SAE1: variants seen among roughly 807,000 people sequenced by gnomAD.
SAE1 encodes the protein SUMO1 activating enzyme subunit 1.
Under a neutral mutation model 40.6 loss-of-function variants are expected in SAE1, and 11 were observed. The ratio of observed to expected loss-of-function variants is 0.27; its 90% CI spans 0.17 to 0.45. SAE1 has a LOEUF of 0.45. Among genes scored for constraint, SAE1 ranks in the 20% least tolerant of loss-of-function variants. The pLI, the probability that SAE1 is intolerant of heterozygous loss-of-function variation, is 1.00. For synonymous variants in SAE1, 155 were observed against 154.3 expected (o/e 1.00, Z -0.03); for missense variants, 373 against 427.3 (o/e 0.87, Z 1.12).
At chr19:47,158,775 A>G (rs549272743) in intron 5 of SAE1, among the ~76,000 whole-genome samples, 107 of 152,328 alleles carry the variant, frequency 7.0e-4, no homozygotes, top group Admixed American at 2.4e-3. Context: ...TAAAGAAGCT[A>G]TGAGAAATTA....
intron 8 of SAE1, among the ~76,000 whole-genome samples, chr19:47,205,273 G>A (rs1308709066): frequency 6.6e-6 from 1 of 151,116 alleles, no homozygotes; most frequent in African/African-American, 2.4e-5. Flanking sequence ...TGTACATTCT[G>A]GAGGCGTTTG....
At chr19:47,159,279 C>G (rs936790191) in intron 5 of SAE1, among the ~76,000 whole-genome samples, 4 of 152,168 alleles carry the variant, frequency 2.6e-5, no homozygotes, top group Admixed American at 1.3e-4. Flanking sequence ...TTGTTGACAG[C>G]CTTCTCATCC....
rs1235633179 is a variant in SAE1 at position 47,143,470 on chromosome 19, A to G, written c.99-24A>G. The G allele has an allele frequency of 2.6e-6, 4 of 1,549,600 alleles. No homozygotes were observed. In the East Asian group the frequency reaches 6.7e-5, roughly 26 times the overall value. ...TGCAAGCTCACTGTTCTGTATCATC[A>G]GGTTAACAATGTTTGTCTTACAGGC... On this transcript the variant is annotated intron_variant, in intron 1 of 8. Transcript: ENST00000270225.
At chr19:47,194,653 T>C (rs1391969006) in intron 6 of SAE1, among the ~76,000 whole-genome samples, 1 of 151,858 alleles carries the variant, frequency 6.6e-6, no homozygotes, top group Non-Finnish European at 1.5e-5. Context: ...CCTTGGGCAG[T>C]ATGTAGGGAA....
intron 7 of SAE1, among the ~76,000 whole-genome samples, chr19:47,203,116 AG>A (rs2058664603): frequency 1.3e-5 from 2 of 152,162 alleles, no homozygotes; most frequent in Middle Eastern, 3.2e-3. Flanking sequence ...TTGGAGGGGC[AG>A]GTGACTGTGT....
At chr19:47,207,063 G>A (rs1362158240) in intron 8 of SAE1, among the ~76,000 whole-genome samples, 4 of 152,106 alleles carry the variant, frequency 2.6e-5, no homozygotes, top group Non-Finnish European at 5.9e-5. Context: ...TGGGAGGATT[G>A]CTTGAACCTA....
intron 5 of SAE1, among the ~76,000 whole-genome samples, chr19:47,164,326 A>G (rs973457690): frequency 4.0e-5 from 6 of 150,890 alleles, no homozygotes; most frequent in Non-Finnish European, 5.9e-5. Context: ...CCGCCACCAC[A>G]CCCGGCTAAT....
intron 1 of SAE1, among the ~76,000 whole-genome samples, chr19:47,143,073 G>A (rs1439800417): frequency 6.6e-6 from 1 of 152,040 alleles, no homozygotes; most frequent in Non-Finnish European, 1.5e-5. Context: ...TCCTAGATTC[G>A]AGGTGTGATG....
At chr19:47,147,074 T>C (rs746384131) in intron 2 of SAE1, among the ~76,000 whole-genome samples, 9 of 151,990 alleles carry the variant, frequency 5.9e-5, no homozygotes, top group African/African-American at 1.7e-4. Flanking sequence ...AGATGGAAGC[T>C]TGGGGACAGC....
intron 7 of SAE1, among the ~76,000 whole-genome samples, chr19:47,200,484 G>A (rs772599545): frequency 3.6e-5 from 5 of 138,060 alleles, no homozygotes; most frequent in African/African-American, 1.1e-4. Flanking sequence ...GTTATGAACC[G>A]CATAACAAGA....
chr19:47,204,896 A>T (rs1297529010), intron 8 of SAE1, among the ~76,000 whole-genome samples: 2 of 152,094 alleles, frequency 1.3e-5, no homozygotes, highest in African/African-American at 4.8e-5. Context: ...TCTGTACAGG[A>T]TGACCCGTGA....
intron 1 of SAE1, among the ~76,000 whole-genome samples, chr19:47,131,697 CTTTTTTTTTTTTT>C (rs554165710): frequency 1.2e-5 from 1 of 84,140 alleles, no homozygotes; most frequent in South Asian, 4.7e-4. Flanking sequence ...TTAGGGAATT[CTTTTTTTTTTTTT>C]TTTTTTTTTT....
At chr19:47,207,604 C>T (rs182833509) in intron 8 of SAE1, among the ~76,000 whole-genome samples, 1 of 152,266 alleles carries the variant, frequency 6.6e-6, no homozygotes, top group East Asian at 1.9e-4. Flanking sequence ...GTTTCGGGGG[C>T]TGACCCTGCC....
chr19:47,182,494 T>TGTGTGC (rs1555794374), intron 6 of SAE1, among the ~76,000 whole-genome samples: 2 of 137,316 alleles, frequency 1.5e-5, no homozygotes, highest in East Asian at 2.1e-4. Flanking sequence ...TGTGTGTGTG[T>TGTGTGC]GTGCGCGCAC....
chr19:47,180,983 G>A (rs1394753551), intron 6 of SAE1, among the ~76,000 whole-genome samples: 1 of 151,906 alleles, frequency 6.6e-6, no homozygotes, highest in African/African-American at 2.4e-5. Context: ...ATAGAGGAAG[G>A]TTTTTTTTCT....
rs752280199 is a variant in SAE1, at chr19:47,152,937, G to A, written c.424G>A (p.Val142Ile). The A allele has an allele frequency of 9.9e-6, 16 of 1,612,240 alleles. No homozygotes were observed. Among genetic ancestry groups the A allele is most frequent in the Non-Finnish European group, 8.5e-7 (1 of 1,179,930 alleles). The change falls in exon 4 of 9, where the codon GTT becomes ATT. Residue 142 changes from valine (V) to isoleucine (I), a missense_variant. Physicochemically the swap from Val to Ile is conservative, Grantham distance 29. Around this residue, in one of 3 missense-constraint regions of SAE1, gnomAD observed 351 missense variants for 390.6 expected, o/e 0.90. Coordinates refer to ENST00000270225, the MANE Select transcript of SAE1 (RefSeq NM_005500.3). ...TCCSRDVIVKVDQICHKNSIK... is the reference protein window; with the variant it reads ...TCCSRDVIVKIDQICHKNSIK... Reference sequence around the variant, plus strand: ...CTGCTCCAGGGATGTCATAGTTAAAGTTGACCAGATCTGTCACAAAAATAG... The same window carrying A: ...CTGCTCCAGGGATGTCATAGTTAAAATTGACCAGATCTGTCACAAAAATAG...
At chr19:47,137,703 T>TTGTG (rs35991953) in intron 1 of SAE1, among the ~76,000 whole-genome samples, 10 of 135,066 alleles carry the variant, frequency 7.4e-5, no homozygotes, top group South Asian at 4.5e-4. Flanking sequence ...ACTCAGCTGA[T>TTGTG]TGTGTGTGTG....
At position 47,153,062 on chromosome 19, in the gene SAE1, G is replaced by A. The variant is rs139486747; in HGVS notation, c.527+22G>A. On this transcript the variant is annotated intron_variant, in intron 4 of 8. Transcript: ENST00000270225. ...TAGAGTAAGTGTTGGGAGAGGAGGG[G>A]AGAACATAACATTTTCTCCTTTTTA... 2,056 of 1,565,330 alleles carry A rather than the reference G, an allele frequency of 1.3e-3. 14 individuals are homozygous for A. The African/African-American group carries it at 0.025, about 19-fold the overall frequency.
chr19:47,159,521 A>G (rs908378163), intron 5 of SAE1, among the ~76,000 whole-genome samples: 2 of 151,074 alleles, frequency 1.3e-5, no homozygotes, highest in African/African-American at 4.9e-5. Flanking sequence ...CTGCAGCATA[A>G]TCCAGCAACC....
Sources: gnomAD v4.1 joint callset for allele counts (sites outside exome capture counted in the v4.1 genomes callset) on GRCh38, gnomAD v4.1.1 for gene constraint, gnomAD v4.1.1 regional missense constraint, MANE v1.5 for transcripts, NCBI Gene and HGNC (gene_info 2026-07-23, HGNC 2026-07-21) for gene names.